Variants in IPCEF1 observed in about 807,000 individuals in gnomAD.
The protein encoded by IPCEF1 is interaction protein for cytohesin exchange factors 1.
A neutral mutation model predicts 50.9 loss-of-function variants in IPCEF1; 31 were observed. That is an observed-to-expected ratio of 0.61 (90% CI 0.46 to 0.82). IPCEF1 has a LOEUF of 0.82. Ranked by LOEUF, IPCEF1 falls within the 40% of genes least tolerant of loss-of-function variation. The probability of loss-of-function intolerance (pLI) is 0.00; values close to 1 mark genes in which losing one functional copy is unlikely to be tolerated. For synonymous variants in IPCEF1, 181 were observed against 192.0 expected, an observed-to-expected ratio of 0.94 and a Z score of 0.47; for missense variants, 458 against 514.0, an observed-to-expected ratio of 0.89 and a Z score of 1.05.
At chr6:154,202,604 G>A (rs1299330527) in intron 9 of IPCEF1, among the ~76,000 whole-genome samples, 2 of 152,106 alleles carry the variant, frequency 1.3e-5, no homozygotes, top group Non-Finnish European at 2.9e-5. Flanking sequence ...CTTTAAATTA[G>A]ATTATAGCAA....
At chr6:154,304,841 C>T (rs1404459192) in intron 1 of IPCEF1, among the ~76,000 whole-genome samples, 2 of 152,164 alleles carry the variant, frequency 1.3e-5, no homozygotes, top group African/African-American at 2.4e-5. Flanking sequence ...AGGCCGGGCG[C>T]GGTGGCTCAC....
chr6:154,209,198 A>C (rs903033372), intron 9 of IPCEF1, among the ~76,000 whole-genome samples: 3 of 152,254 alleles, frequency 2.0e-5, no homozygotes, highest in Admixed American at 6.5e-5. Flanking sequence ...ATTATTTTAT[A>C]CTGTTGAGTT....
intron 11 of IPCEF1, among the ~76,000 whole-genome samples, chr6:154,166,036 T>C (rs1228629277): frequency 6.6e-6 from 1 of 152,250 alleles, no homozygotes; most frequent in Non-Finnish European, 1.5e-5. Context: ...AGCTGACAGC[T>C]TGATCACAGC....
intron 3 of IPCEF1, among the ~76,000 whole-genome samples, chr6:154,264,386 T>G (rs1166362667): frequency 1.3e-5 from 2 of 152,098 alleles, no homozygotes; most frequent in African/African-American, 4.8e-5. Flanking sequence ...TTTTATTTTT[T>G]TAATTGAGAT....
At chr6:154,237,610 T>C (rs1426064948) in intron 5 of IPCEF1, among the ~76,000 whole-genome samples, 6 of 152,184 alleles carry the variant, frequency 3.9e-5, no homozygotes, top group Non-Finnish European at 5.9e-5. Context: ...ATAGTGTTCT[T>C]GGTCAACATT....
rs540560422 is a variant in IPCEF1, at chr6:154,185,707, TAGA to T, written c.910+13958_910+13960del. 9.9e-5 allele frequency among the ~76,000 whole-genome samples: 15 copies of T among 152,178 alleles called. 1 individual carries two copies. The highest frequency in any genetic ancestry group is 8.3e-4 in the South Asian group (4 of 4,822). The stretch of plus-strand genomic sequence containing the variant: ...ATCTTTTGGCTTCCCTCGGCCACAT[TAGA>T]AGAAGAAGAAGAACTGTCTTGGGCT... On this transcript the variant is annotated intron_variant, in intron 10 of 11. Transcript: ENST00000367220.
chr6:154,246,556 A>C, intron 5 of IPCEF1, 35 bp downstream of exon 5: 1 of 1,581,544 alleles, frequency 6.3e-7, no homozygotes, highest in Admixed American at 1.8e-5. Flanking sequence ...CCCTCATTAA[A>C]ACGGCTGGGA....
chr6:154,248,340 G>GTGTGTGTGTGTGT (rs1562566051), intron 3 of IPCEF1, among the ~76,000 whole-genome samples: 5 of 112,092 alleles, frequency 4.5e-5, no homozygotes, highest in African/African-American at 1.6e-4. Context: ...TGTGTGTGTA[G>GTGTGTGTGTGTGT]AGAGAGAGAA....
chr6:154,172,411 C>T (rs1481229481), intron 10 of IPCEF1, among the ~76,000 whole-genome samples: 16 of 152,174 alleles, frequency 1.1e-4, no homozygotes, highest in Admixed American at 5.2e-4. Flanking sequence ...GTAACCGTAC[C>T]TGGAGGAATG....
chr6:154,231,868 C>T (rs1024645164), intron 5 of IPCEF1, among the ~76,000 whole-genome samples: 10 of 152,002 alleles, frequency 6.6e-5, no homozygotes, highest in Non-Finnish European at 8.8e-5. Flanking sequence ...AAGCAATTCT[C>T]GAAATTAAAA....
At position 154,214,213 on chromosome 6, in the gene IPCEF1, C is replaced by T; in HGVS notation, c.451+5G>A. 2 of 1,586,388 alleles carry T rather than the reference C, an allele frequency of 1.3e-6. No individual in the cohort carries two copies. The highest frequency in any genetic ancestry group is 1.1e-5 in the South Asian group (1 of 90,512). Reference sequence around the variant, plus strand: ...AAATTTTCAGAAATTTAAAATAGAACATACCTTCATCCTTTGTAGTGGATT... The same window carrying T: ...AAATTTTCAGAAATTTAAAATAGAATATACCTTCATCCTTTGTAGTGGATT... On this transcript the variant is annotated splice_donor_5th_base_variant and intron_variant, in intron 8 of 11. Coordinates refer to ENST00000367220, the MANE Select transcript of IPCEF1 (RefSeq NM_001130700.2).
At chr6:154,255,729 C>T (rs768824902) in intron 3 of IPCEF1, among the ~76,000 whole-genome samples, 15 of 152,030 alleles carry the variant, frequency 9.9e-5, no homozygotes, top group Non-Finnish European at 1.6e-4. Context: ...CTCTATGCTA[C>T]TTATGTCTTA....
chr6:154,304,274 T>C (rs1474654436), intron 1 of IPCEF1, among the ~76,000 whole-genome samples: 2 of 152,022 alleles, frequency 1.3e-5, no homozygotes, highest in Non-Finnish European at 2.9e-5. Context: ...ACTTTAAAAA[T>C]ACATCAATAA....
In IPCEF1 at chr6:154,333,842, C is replaced by T. The variant is rs530385201; in HGVS notation, c.-62+22830G>A. ...ATATATATATACATATTTACCATGA[C>T]TCACACATTTCTTTAGTCACAGACT... On this transcript the variant is annotated intron_variant, in intron 1 of 11. Transcript: ENST00000367220. 3.3e-5 allele frequency among the ~76,000 whole-genome samples: 5 copies of T among 151,920 alleles called. No individual in the cohort carries two copies. The South Asian group carries it at 1.0e-3, about 32-fold the overall frequency.
chr6:154,319,734 G>A (rs866977249), intron 1 of IPCEF1, among the ~76,000 whole-genome samples: 1 of 152,232 alleles, frequency 6.6e-6, no homozygotes, highest in Non-Finnish European at 1.5e-5. Context: ...GGCTCCGGGT[G>A]TGATACTTCA....
At chr6:154,332,779 G>C (rs1783702549) in intron 1 of IPCEF1, among the ~76,000 whole-genome samples, 1 of 152,158 alleles carries the variant, frequency 6.6e-6, no homozygotes, top group Non-Finnish European at 1.5e-5. Flanking sequence ...AGGCTCAAGA[G>C]AGCAATAGAG....
rs529226954 is a variant in IPCEF1, at chr6:154,196,761, T to C, written c.910+2907A>G. Among the ~76,000 whole-genome samples, 3 of 152,300 alleles carry C rather than the reference T, an allele frequency of 2.0e-5. No homozygotes were observed. The East Asian group carries it at 5.8e-4, about 29-fold the overall frequency. Reference sequence around the variant, plus strand: ...CTTTTCCCATTATGCTTTGTGAAAATAATCAGTGAATAATTCCTAGAGCTC... The same window carrying C: ...CTTTTCCCATTATGCTTTGTGAAAACAATCAGTGAATAATTCCTAGAGCTC... On this transcript the variant is annotated intron_variant, in intron 10 of 11. Coordinates refer to ENST00000367220, the MANE Select transcript of IPCEF1 (RefSeq NM_001130700.2).
At chr6:154,201,090 T>C (rs1435668870) in intron 9 of IPCEF1, among the ~76,000 whole-genome samples, 1 of 152,198 alleles carries the variant, frequency 6.6e-6, no homozygotes, top group East Asian at 1.9e-4. Context: ...ATGTAAGATG[T>C]GCCTTGTTTC....
At chr6:154,192,444 A>G (rs144161113) in intron 10 of IPCEF1, among the ~76,000 whole-genome samples, 415 of 152,262 alleles carry the variant, frequency 2.7e-3, no homozygotes, top group African/African-American at 9.6e-3. Flanking sequence ...AACAATTTCC[A>G]TGAAACAGAA....
Sources: gnomAD v4.1 joint callset for allele counts (sites outside exome capture counted in the v4.1 genomes callset) on GRCh38, gnomAD v4.1.1 for gene constraint, MANE v1.5 for transcripts, NCBI Gene and HGNC (gene_info 2026-07-23, HGNC 2026-07-21) for gene names.